GOPC: variants seen among roughly 807,000 people sequenced by gnomAD.
GOPC encodes Golgi-associated PDZ and coiled-coil motif-containing protein.
Under a neutral mutation model 51.2 loss-of-function variants are expected in GOPC, and 32 were observed. The ratio of observed to expected loss-of-function variants is 0.63; its 90% CI spans 0.47 to 0.84. GOPC has a LOEUF of 0.84. Ranked by LOEUF, GOPC falls within the 40% of genes least tolerant of loss-of-function variation. The pLI is 0.00. For synonymous variants in GOPC, 190 were observed against 205.1 expected, an observed-to-expected ratio of 0.93 and a Z score of 0.63; for missense variants, 441 against 555.5, an observed-to-expected ratio of 0.79 and a Z score of 2.07.
At chr6:117,566,375 T>C (rs958435256) in intron 8 of GOPC, among the ~76,000 whole-genome samples, 3 of 152,144 alleles carry the variant, frequency 2.0e-5, no homozygotes, top group African/African-American at 7.2e-5. Flanking sequence ...TTAAAATATG[T>C]CTAAATGATA....
At chr6:117,585,298 T>C (rs554877483) in intron 1 of GOPC, among the ~76,000 whole-genome samples, 1 of 152,208 alleles carries the variant, frequency 6.6e-6, no homozygotes, top group Non-Finnish European at 1.5e-5. Flanking sequence ...AAGCAGGTTT[T>C]TATTTTTTTA....
chr6:117,563,228 C>T lies in GOPC; in HGVS notation c.*26G>A. The T allele has an allele frequency of 6.2e-7, 1 of 1,603,716 alleles. No individual in the cohort carries two copies. Among genetic ancestry groups the T allele is most frequent in the African/African-American group, 1.3e-5 (1 of 74,624 alleles). ...CCCAAATTCAGAATAGTCTGATTAA[C>T]AATCTTGTCTGGAGATATGGTCAAT... On this transcript the variant is annotated 3_prime_UTR_variant, in exon 9 of 9. Transcript: ENST00000368498.
intron 3 of GOPC, among the ~76,000 whole-genome samples, chr6:117,575,697 T>C (rs897693776): frequency 2.0e-5 from 3 of 152,186 alleles, no homozygotes; most frequent in Admixed American, 2.0e-4. Flanking sequence ...AGGACCCCAA[T>C]AGACATTTTA....
intron 1 of GOPC, among the ~76,000 whole-genome samples, chr6:117,579,282 G>A (rs1482744833): frequency 6.6e-6 from 1 of 152,022 alleles, no homozygotes; most frequent in East Asian, 1.9e-4. Flanking sequence ...ACTATAAGCT[G>A]TATCTTCTAA....
intron 1 of GOPC, among the ~76,000 whole-genome samples, chr6:117,595,313 A>AT (rs1780181178): frequency 6.6e-6 from 1 of 152,236 alleles, no homozygotes; most frequent in South Asian, 2.1e-4. Flanking sequence ...AGGGAGTGCC[A>AT]TAACTGCGGT....
chr6:117,576,168 T>TACACAC (rs1016009748), intron 3 of GOPC, among the ~76,000 whole-genome samples: 1 of 151,968 alleles, frequency 6.6e-6, no homozygotes, highest in East Asian at 1.9e-4. Flanking sequence ...TATTTACATA[T>TACACAC]ACACACACAC....
intron 1 of GOPC, among the ~76,000 whole-genome samples, chr6:117,595,445 T>C (rs4946269): frequency 0.54 from 82,050 of 151,956 alleles, 22,938 homozygotes; most frequent in East Asian, 0.79. Context: ...GGTTTGGTTA[T>C]GTGAATAAGT....
intron 3 of GOPC, among the ~76,000 whole-genome samples, chr6:117,576,399 C>G (rs148008587): frequency 1.4e-3 from 213 of 152,114 alleles, no homozygotes; most frequent in Non-Finnish European, 2.4e-3. Flanking sequence ...TTATTAAACT[C>G]TTATTTCAGA....
At chr6:117,601,669 A>G (rs1027089854) in intron 1 of GOPC, among the ~76,000 whole-genome samples, 2 of 152,216 alleles carry the variant, frequency 1.3e-5, no homozygotes, top group Non-Finnish European at 2.9e-5. Flanking sequence ...TGCAAAACTC[A>G]GTTGTCAAAA....
rs1772035652 is a variant in GOPC, at chr6:117,602,443, A to G, written c.-155T>C. 2 of 683,894 alleles carry G rather than the reference A, an allele frequency of 2.9e-6. No individual in the cohort carries two copies. Among genetic ancestry groups the G allele is most frequent in the Admixed American group, 3.0e-5 (1 of 33,710 alleles). The allele number at this position is 683,894 out of a possible 1,614,324, so 42.4% of individuals were successfully genotyped here. A position where few individuals can be genotyped will look rare whatever the true frequency, so the allele number is the denominator to read the frequency against. ...TTAACGCCAGCAGCACAGTCACAGA[A>G]CCGCAGGAGTAACGAGGCTGAAGCT... is the stretch of plus-strand genomic sequence containing the variant. On this transcript the variant is annotated 5_prime_UTR_variant, in exon 1 of 9. Coordinates refer to ENST00000368498, the MANE Select transcript of GOPC (RefSeq NM_020399.4).
chr6:117,586,094 T>C (rs1405485047), intron 1 of GOPC, among the ~76,000 whole-genome samples: 1 of 152,228 alleles, frequency 6.6e-6, no homozygotes, highest in East Asian at 1.9e-4. Flanking sequence ...CTTTATGTTT[T>C]AAAATGTTAA....
Position 117,570,945 on chromosome 6 carries a change from G to T in GOPC, c.827C>A (p.Ser276Tyr), listed in dbSNP as rs1361334838. Residue 276 changes from serine (S) to tyrosine (Y), a missense_variant, in exon 6 of 9, where the codon TCC becomes TAC. This residue lies in a region of GOPC where 166 missense variants were observed against 267.0 expected (regional missense o/e 0.62). Transcript: ENST00000368498. ...ACCAACACCTTGGCTTTTCTTTAGG[G>T]AATCTTGATCCTTATTGGGAGGAAA... The part of the protein sequence containing the change: ...MQAPPGHDQD[S>Y]LKKSQGVGPI... 1 of 1,584,794 alleles carries T rather than the reference G, an allele frequency of 6.3e-7. No individual in the cohort carries two copies. The highest frequency in any genetic ancestry group is 8.6e-7 in the Non-Finnish European group (1 of 1,157,708).
chr6:117,564,498 TAAATA>T (rs1779653308), intron 8 of GOPC, among the ~76,000 whole-genome samples: 2 of 152,156 alleles, frequency 1.3e-5, no homozygotes, highest in Non-Finnish European at 2.9e-5. Flanking sequence ...ATCTATAAAA[TAAATA>T]ATAGGCTTAT....
At position 117,569,736 on chromosome 6, in the gene GOPC, C is replaced by T. The variant is rs769055626; in HGVS notation, c.913G>A (p.Gly305Ser). The T allele has an allele frequency of 6.3e-7, 1 of 1,582,684 alleles. No individual in the cohort carries two copies. Among genetic ancestry groups the T allele is most frequent in the Non-Finnish European group, 8.6e-7 (1 of 1,168,034 alleles). ...ATTGGAACACCATGTTCTTTCCCACCCTAACAACAACAAAGGGCAGTAAAT... is the reference window on the plus strand; with the variant it reads ...ATTGGAACACCATGTTCTTTCCCACTCTAACAACAACAAAGGGCAGTAAAT... Reference protein sequence around the residue: ...DHEGLGISITGGKEHGVPILI... With the variant: ...DHEGLGISITSGKEHGVPILI... Residue 305 changes from glycine to serine, a missense_variant and splice_region_variant, in exon 7 of 9, where the codon GGT becomes AGT. Around this residue, in one of 3 missense-constraint regions of GOPC, gnomAD observed 166 missense variants for 267.0 expected, o/e 0.62. Transcript: ENST00000368498.
intron 7 of GOPC, among the ~76,000 whole-genome samples, chr6:117,568,756 T>C (rs1186745563): frequency 6.6e-6 from 1 of 152,216 alleles, no homozygotes; most frequent in Non-Finnish European, 1.5e-5. Context: ...TGTATTACAA[T>C]GGAATGGACT....
intron 1 of GOPC, among the ~76,000 whole-genome samples, chr6:117,597,889 T>C (rs1255430924): frequency 1.4e-5 from 2 of 144,798 alleles, no homozygotes; most frequent in Non-Finnish European, 3.0e-5. Context: ...CCACAACAGA[T>C]GAAAAGATTA....
chr6:117,589,517 C>G (rs1780083472), intron 1 of GOPC, among the ~76,000 whole-genome samples: 1 of 152,158 alleles, frequency 6.6e-6, no homozygotes, highest in Non-Finnish European at 1.5e-5. Context: ...TGGGGTTTCA[C>G]CATGTTGGTC....
At chr6:117,598,218 A>G (rs1376454747) in intron 1 of GOPC, among the ~76,000 whole-genome samples, 1 of 149,746 alleles carries the variant, frequency 6.7e-6, no homozygotes, top group Non-Finnish European at 1.5e-5. Context: ...AAAATAAAAT[A>G]GAAAAATTAG....
intron 6 of GOPC, among the ~76,000 whole-genome samples, chr6:117,570,227 C>T (rs1471363223): frequency 2.8e-5 from 4 of 141,528 alleles, no homozygotes; most frequent in Admixed American, 7.1e-5. Flanking sequence ...TCTTTGAAGG[C>T]AGCACATAAA....
Sources: gnomAD v4.1 joint callset for allele counts (sites outside exome capture counted in the v4.1 genomes callset) on GRCh38, gnomAD v4.1.1 for gene constraint, gnomAD v4.1.1 regional missense constraint, MANE v1.5 for transcripts, NCBI Gene and HGNC (gene_info 2026-07-23, HGNC 2026-07-21) for gene names.